ZNF385D: variants seen among roughly 807,000 people sequenced by gnomAD.
ZNF385D encodes the protein zinc finger protein 659.
In ZNF385D, 15 loss-of-function variants were observed where a neutral mutation model predicts 35.8. The ratio of observed to expected loss-of-function variants is 0.42; its 90% CI spans 0.28 to 0.64. The LOEUF is 0.64. Among genes scored for constraint, ZNF385D ranks in the 30% least tolerant of loss-of-function variants. The pLI is 0.23. For synonymous variants in ZNF385D, 212 were observed against 186.8 expected (o/e 1.13, Z -1.10); for missense variants, 474 against 494.6 (o/e 0.96, Z 0.39).
rs1346093030 is a variant in ZNF385D, at chr3:21,917,174, G to A, written c.325+251643C>T. Among the ~76,000 whole-genome samples, 3 of 152,310 alleles carry A rather than the reference G, an allele frequency of 2.0e-5. No homozygotes were observed. In the East Asian group the frequency reaches 5.8e-4, roughly 29 times the overall value. ...TGGCCTGGTGCGGTGGCTCATGGCTGTAATCCCACCACTTTGGGAGGCCGA... is the reference window on the plus strand; with the variant it reads ...TGGCCTGGTGCGGTGGCTCATGGCTATAATCCCACCACTTTGGGAGGCCGA... On this transcript the variant is annotated intron_variant, in intron 3 of 5. Coordinates refer to the ZNF385D transcript ENST00000494108.
chr3:22,018,188 G>C (rs1697003783), intron 3 of ZNF385D, among the ~76,000 whole-genome samples: 1 of 151,444 alleles, frequency 6.6e-6, no homozygotes. Flanking sequence ...AAGATGCGCA[G>C]TATCAATTTC....
intron 3 of ZNF385D, among the ~76,000 whole-genome samples, chr3:21,788,197 G>C (rs1035654891): frequency 6.6e-6 from 1 of 152,132 alleles, no homozygotes; most frequent in Admixed American, 6.6e-5. Flanking sequence ...TAGTAAGATG[G>C]GGCGGGCGCA....
intron 3 of ZNF385D, among the ~76,000 whole-genome samples, chr3:21,809,974 T>C (rs940546782): frequency 6.6e-6 from 1 of 151,982 alleles, no homozygotes; most frequent in African/African-American, 2.4e-5. Flanking sequence ...CAAGAAAAAT[T>C]TACATGGATT....
intron 3 of ZNF385D, among the ~76,000 whole-genome samples, chr3:21,543,571 C>A (rs1318934527): frequency 6.6e-6 from 1 of 152,136 alleles, no homozygotes; most frequent in Non-Finnish European, 1.5e-5. Flanking sequence ...CCTTCCCCAC[C>A]CAAGGGGTTC....
intron 2 of ZNF385D, among the ~76,000 whole-genome samples, chr3:22,172,586 C>T (rs1411797611): frequency 1.3e-5 from 2 of 152,164 alleles, no homozygotes; most frequent in African/African-American, 4.8e-5. Context: ...TAACCCACGC[C>T]ACCCCTGGCA....
In ZNF385D at chr3:21,517,146, A is replaced by G. The variant is rs568685013; in HGVS notation, c.277-6123T>C. On this transcript the variant is annotated intron_variant, in intron 3 of 7. Coordinates refer to ENST00000281523, the MANE Select transcript of ZNF385D (RefSeq NM_024697.3). ...TGTTTATGATCCTAAATTTCTCAAA[A>G]TGGAGTCACTTGTGACAAGTGACTC... Among the ~76,000 whole-genome samples, 54 of 152,122 alleles carry G rather than the reference A, an allele frequency of 3.5e-4. No homozygotes were observed. In the South Asian group the frequency reaches 0.011, roughly 32 times the overall value.
At chr3:22,229,283 C>CCTCT (rs1368026411) in intron 2 of ZNF385D, among the ~76,000 whole-genome samples, 1 of 152,158 alleles carries the variant, frequency 6.6e-6, no homozygotes, top group African/African-American at 2.4e-5. Context: ...GGAAAACTGG[C>CCTCT]CACTTATTTG....
chr3:21,952,138 T>C (rs1702095754), intron 3 of ZNF385D, among the ~76,000 whole-genome samples: 1 of 152,020 alleles, frequency 6.6e-6, no homozygotes, highest in African/African-American at 2.4e-5. Flanking sequence ...ATATGTGATG[T>C]AAATATGATG....
chr3:21,628,332 T>C (rs898179017), intron 2 of ZNF385D, among the ~76,000 whole-genome samples: 9 of 152,042 alleles, frequency 5.9e-5, no homozygotes, highest in African/African-American at 1.7e-4. Context: ...CTGAGGAAGG[T>C]TGTGTGGTTC....
chr3:22,300,403 G>T lies in ZNF385D; in HGVS notation c.106+72047C>A, dbSNP rs573347257. Among the ~76,000 whole-genome samples, 345 of 142,004 alleles carry T rather than the reference G, an allele frequency of 2.4e-3. 3 individuals are homozygous for T. The highest frequency in any genetic ancestry group is 4.0e-3 in the Non-Finnish European group (262 of 64,868). The allele number at this position is 142,004 out of a possible 152,430, so 93.2% of individuals were successfully genotyped here. On this transcript the variant is annotated intron_variant, in intron 2 of 5. Transcript: ENST00000494108. ...CTGGGCAATGATTTTTTTTTTTTTT[G>T]GATATAACCCCAAAAGCACAGACAA...
chr3:21,449,763 A>C (rs894512568), intron 4 of ZNF385D, among the ~76,000 whole-genome samples: 5 of 152,172 alleles, frequency 3.3e-5, no homozygotes, highest in African/African-American at 1.2e-4. Context: ...CTTATCATGG[A>C]TGTGAGACTA....
At chr3:22,310,422 T>G (rs962879845) in intron 2 of ZNF385D, among the ~76,000 whole-genome samples, 2 of 151,990 alleles carry the variant, frequency 1.3e-5, no homozygotes, top group Non-Finnish European at 2.9e-5. Context: ...AATTTAATGC[T>G]TATTTATAGA....
At chr3:21,768,674 T>A (rs2070940984) in intron 3 of ZNF385D, among the ~76,000 whole-genome samples, 1 of 151,972 alleles carries the variant, frequency 6.6e-6, no homozygotes, top group Non-Finnish European at 1.5e-5. Flanking sequence ...ATTGGGAATA[T>A]GTGCTTTGAT....
chr3:22,121,204 C>T (rs1445665404), intron 3 of ZNF385D, among the ~76,000 whole-genome samples: 1 of 152,140 alleles, frequency 6.6e-6, no homozygotes, highest in East Asian at 1.9e-4. Context: ...TCTAAACACT[C>T]ACTGTCTTAG....
intron 2 of ZNF385D, among the ~76,000 whole-genome samples, chr3:22,198,168 G>A (rs1428955106): frequency 6.7e-6 from 1 of 149,018 alleles, no homozygotes; most frequent in East Asian, 1.9e-4. Context: ...TTTAAGACAA[G>A]AGTGTCAAAA....
intron 3 of ZNF385D, among the ~76,000 whole-genome samples, chr3:21,516,550 TA>T (rs1385865700): frequency 6.6e-6 from 1 of 152,170 alleles, no homozygotes; most frequent in Non-Finnish European, 1.5e-5. Context: ...TAAATCTGCA[TA>T]ACACACGTTA....
chr3:21,936,858 T>C (rs1294872363), intron 3 of ZNF385D, among the ~76,000 whole-genome samples: 1 of 152,148 alleles, frequency 6.6e-6, no homozygotes, highest in Non-Finnish European at 1.5e-5. Flanking sequence ...GGGCTTTTAT[T>C]AGAAATTAAA....
At chr3:21,804,801 TGAAG>T (rs2072562528) in intron 3 of ZNF385D, among the ~76,000 whole-genome samples, 2 of 152,214 alleles carry the variant, frequency 1.3e-5, no homozygotes, top group Non-Finnish European at 2.9e-5. Context: ...TCACAAATAA[TGAAG>T]GTTAGTTCAA....
chr3:21,778,163 A>C (rs2071359880), intron 3 of ZNF385D, among the ~76,000 whole-genome samples: 1 of 151,974 alleles, frequency 6.6e-6, no homozygotes, highest in South Asian at 2.1e-4. Flanking sequence ...AGTTAGAAAG[A>C]AAGCCAATCA....
Sources: gnomAD v4.1 joint callset for allele counts (sites outside exome capture counted in the v4.1 genomes callset) on GRCh38, gnomAD v4.1.1 for gene constraint, MANE v1.5 for transcripts, NCBI Gene and HGNC (gene_info 2026-07-23, HGNC 2026-07-21) for gene names.